The following MACO1 variants were observed in gnomAD, a reference collection of about 807,000 sequenced individuals.
The protein encoded by MACO1 is macoilin.
MACO1 carries 14 observed loss-of-function variants against 78.7 expected under a neutral mutation model. The ratio of observed to expected loss-of-function variants is 0.18; its 90% CI spans 0.12 to 0.28. The LOEUF (loss-of-function observed/expected upper bound fraction) is 0.28, where lower values mean the gene tolerates loss of function less well. Ranked by LOEUF, MACO1 falls within the 10% of genes least tolerant of loss-of-function variation. The probability of loss-of-function intolerance (pLI) is 1.00; values close to 1 mark genes in which losing one functional copy is unlikely to be tolerated. For missense variants in MACO1, 501 were observed against 799.0 expected (o/e 0.63, Z 4.50); for synonymous variants, 288 against 291.6 (o/e 0.99, Z 0.12).
intron 3 of MACO1, 109 bp from the exon 4 acceptor site, chr1:25,454,150 G>C: frequency 7.9e-7 from 1 of 1,267,680 alleles, no homozygotes; most frequent in Non-Finnish European, 1.0e-6. Context: ...ATTTAGTTTA[G>C]GTGAAGGTCT....
intron 6 of MACO1, among the ~76,000 whole-genome samples, chr1:25,473,976 T>C (rs1023658487): frequency 2.0e-5 from 3 of 152,002 alleles, no homozygotes; most frequent in African/African-American, 4.8e-5. Context: ...GGACCATTAC[T>C]CCCCCCACAC....
At chr1:25,448,725 G>T (rs2043038160) in intron 2 of MACO1, 83 bp from the exon 3 acceptor site, 5 of 1,289,188 alleles carry the variant, frequency 3.9e-6, no homozygotes, top group Admixed American at 2.5e-5. Flanking sequence ...CAATAATTTT[G>T]TCCAACATGT....
chr1:25,470,792 C>G (rs988010685), intron 6 of MACO1, among the ~76,000 whole-genome samples: 2 of 151,842 alleles, frequency 1.3e-5, no homozygotes, highest in Admixed American at 6.6e-5. Flanking sequence ...CTTTGGGAGG[C>G]TGAGGCAGGT....
intron 8 of MACO1, 118 bp from the exon 9 acceptor site, chr1:25,489,055 A>G: frequency 7.6e-7 from 1 of 1,309,972 alleles, no homozygotes; most frequent in Non-Finnish European, 1.0e-6. Flanking sequence ...CCCTGACCTC[A>G]AATAATCTGC....
rs774459628 is a variant in MACO1 at position 25,489,238 on chromosome 1, C to A, written c.1562C>A (p.Thr521Lys). ...RELEAEGKKL[T>K]MDMKVKEDQI... ...CTAGAAGCAGAGGGCAAGAAGCTCA[C>A]GATGGACATGAAGGTGAAAGAAGAC... Residue 521 changes from threonine (T) to lysine (K), a missense_variant, in exon 9 of 11, where the codon ACG (threonine) becomes AAG (lysine). Physicochemically the swap from Thr to Lys is moderately conservative, Grantham distance 78. Coordinates refer to ENST00000374343, the MANE Select transcript of MACO1 (RefSeq NM_018202.6). 1.2e-5 allele frequency: 20 copies of A among 1,613,846 alleles called. No homozygotes were observed. In the Admixed American group the frequency reaches 2.8e-4, roughly 23 times the overall value.
intron 1 of MACO1, among the ~76,000 whole-genome samples, chr1:25,439,464 A>C (rs1270416442): frequency 6.6e-6 from 1 of 151,964 alleles, no homozygotes; most frequent in African/African-American, 2.4e-5. Context: ...GTGGCTGCAC[A>C]TGTACGCGCG....
At chr1:25,466,012 T>C (rs188576606) in intron 6 of MACO1, among the ~76,000 whole-genome samples, 106 of 150,084 alleles carry the variant, frequency 7.1e-4, no homozygotes, top group African/African-American at 2.6e-3. Flanking sequence ...CAGTCATCCA[T>C]TGATGGACAC....
intron 3 of MACO1, among the ~76,000 whole-genome samples, chr1:25,452,175 A>C (rs1005916859): frequency 6.6e-6 from 1 of 152,142 alleles, no homozygotes; most frequent in Non-Finnish European, 1.5e-5. Context: ...AGGAAGTTAG[A>C]CAAAATGATC....
chr1:25,464,098 C>T (rs544481943), intron 6 of MACO1, among the ~76,000 whole-genome samples: 2 of 152,198 alleles, frequency 1.3e-5, no homozygotes, highest in African/African-American at 4.8e-5. Flanking sequence ...ATGTATCTAC[C>T]TAATGTATAA....
At chr1:25,493,598 T>C (rs2043508112) in intron 10 of MACO1, among the ~76,000 whole-genome samples, 1 of 152,042 alleles carries the variant, frequency 6.6e-6, no homozygotes, top group African/African-American at 2.4e-5. Flanking sequence ...ATATTACATG[T>C]TAATATAAAT....
intron 1 of MACO1, among the ~76,000 whole-genome samples, chr1:25,444,553 G>A (rs2042999280): frequency 6.6e-6 from 1 of 152,012 alleles, no homozygotes; most frequent in Admixed American, 6.6e-5. Context: ...TTGTGCTCCC[G>A]AATACCTGCA....
Position 25,485,796 on chromosome 1 carries a change from G to T in MACO1, c.1496+1G>T. The T allele has an allele frequency of 6.2e-7, 1 of 1,609,816 alleles. No individual in the cohort carries two copies. Among genetic ancestry groups the T allele is most frequent in the Non-Finnish European group, 8.5e-7 (1 of 1,178,278 alleles). The stretch of plus-strand genomic sequence containing the variant: ...CTGTTGCGTTTGCTGCTGCATCTAG[G>T]TATGTCCATGTCACCTGAGTGTTTA... On this transcript the variant is annotated splice_donor_variant, in intron 8 of 10. Transcript: ENST00000374343. LOFTEE classifies it high-confidence loss of function. The surrounding 1 kb of genome is among the most constrained non-coding windows in gnomAD (Gnocchi z 4.3).
intron 6 of MACO1, among the ~76,000 whole-genome samples, chr1:25,459,644 T>C (rs1219983480): frequency 6.6e-6 from 1 of 151,930 alleles, no homozygotes; most frequent in Non-Finnish European, 1.5e-5. Context: ...CAGGCTAATT[T>C]TTTTGTATTT....
At position 25,499,260 on chromosome 1, in the gene MACO1, C is replaced by T. The variant is rs2043565595; in HGVS notation, c.*794C>T. The T allele has an allele frequency of 6.6e-6, 1 of 152,272 alleles. No homozygotes were observed. The highest frequency in any genetic ancestry group is 6.5e-5 in the Admixed American group (1 of 15,296). The allele number at this position is 152,272 out of a possible 1,614,324, so 9.4% of individuals were successfully genotyped here. On this transcript the variant is annotated 3_prime_UTR_variant, in exon 11 of 11. Transcript: ENST00000374343. ...TGTATCAAGCTCACTGCGGATCCTG[C>T]TGTAAAACTGGTGGGTAGCTGGGCT...
At chr1:25,437,617 G>A (rs1021449890) in intron 1 of MACO1, among the ~76,000 whole-genome samples, 2 of 152,104 alleles carry the variant, frequency 1.3e-5, no homozygotes, top group East Asian at 1.9e-4. Flanking sequence ...GGCTTGAGTC[G>A]TCTTGCTCAG....
chr1:25,432,625 A>G (rs892200017), intron 1 of MACO1, among the ~76,000 whole-genome samples: 3 of 152,242 alleles, frequency 2.0e-5, no homozygotes, highest in African/African-American at 7.2e-5. Flanking sequence ...TTCACGTTAC[A>G]TACACTATAC....
intron 6 of MACO1, among the ~76,000 whole-genome samples, chr1:25,470,240 A>G (rs1385007208): frequency 6.6e-6 from 1 of 152,170 alleles, no homozygotes. Context: ...GGCTAATGCT[A>G]TTTACTATCT....
At chr1:25,459,772 C>T (rs749974135) in intron 6 of MACO1, among the ~76,000 whole-genome samples, 5 of 152,204 alleles carry the variant, frequency 3.3e-5, no homozygotes, top group Non-Finnish European at 7.4e-5. Context: ...CCACCGTGCC[C>T]GGCCATAAAA....
intron 1 of MACO1, among the ~76,000 whole-genome samples, chr1:25,437,907 C>G (rs74410456): frequency 6.6e-6 from 1 of 152,020 alleles, no homozygotes; most frequent in African/African-American, 2.4e-5. Flanking sequence ...GGCAATAGAG[C>G]AAGACCCTGT....
Sources: gnomAD v4.1 joint callset for allele counts (sites outside exome capture counted in the v4.1 genomes callset) on GRCh38, gnomAD v4.1.1 for gene constraint, Gnocchi (gnomAD v3.1) non-coding constraint, MANE v1.5 for transcripts, NCBI Gene and HGNC (gene_info 2026-07-23, HGNC 2026-07-21) for gene names.